STK32A: variants seen among roughly 807,000 people sequenced by gnomAD.
STK32A encodes the protein serine/threonine-protein kinase 32A.
STK32A carries 41 observed loss-of-function variants against 53.2 expected under a neutral mutation model. The ratio of observed to expected loss-of-function variants is 0.77; its 90% CI spans 0.60 to 1.00. The LOEUF (loss-of-function observed/expected upper bound fraction) is 1.00. Among genes scored for constraint, STK32A ranks in the 50% least tolerant of loss-of-function variants. The probability of loss-of-function intolerance (pLI) is 0.00; values close to 1 mark genes in which losing one functional copy is unlikely to be tolerated. For synonymous variants in STK32A, 166 were observed against 162.8 expected (o/e 1.02, Z -0.15); for missense variants, 458 against 485.8 (o/e 0.94, Z 0.54).
the STK32A span, chr5:147,397,799 G>A: frequency 6.2e-7 from 1 of 1,613,980 alleles, no homozygotes; most frequent in Non-Finnish European, 8.5e-7. Flanking sequence ...GACAACCAGA[G>A]GAGCCCCGCG....
At chr5:147,322,303 C>T (rs772472448) in intron 4 of STK32A, among the ~76,000 whole-genome samples, 3 of 152,122 alleles carry the variant, frequency 2.0e-5, no homozygotes, top group Admixed American at 6.5e-5. Flanking sequence ...TAAATTTTTC[C>T]AAGACGTATT....
chr5:147,249,403 T>C (rs1753885238), intron 2 of STK32A, among the ~76,000 whole-genome samples: 1 of 152,172 alleles, frequency 6.6e-6, no homozygotes, highest in Non-Finnish European at 1.5e-5. Context: ...ATTATTGCTA[T>C]CATTATATAA....
intron 2 of STK32A, among the ~76,000 whole-genome samples, chr5:147,276,948 C>T (rs979071658): frequency 3.9e-5 from 6 of 152,006 alleles, no homozygotes; most frequent in Admixed American, 6.6e-5. Flanking sequence ...ATACATGCTG[C>T]CTCACATGAC....
intron 4 of STK32A, among the ~76,000 whole-genome samples, chr5:147,305,942 ACTT>A (rs1351887999): frequency 2.6e-5 from 4 of 151,038 alleles, no homozygotes; most frequent in South Asian, 4.2e-4. Flanking sequence ...AAATATGTGT[ACTT>A]CTTATTTTTC....
intron 11 of STK32A, among the ~76,000 whole-genome samples, chr5:147,376,639 A>G (rs777995370): frequency 6.6e-6 from 1 of 151,594 alleles, no homozygotes; most frequent in Non-Finnish European, 1.5e-5. Context: ...CTCACTTAAA[A>G]CCCTCCAACC....
intron 6 of STK32A, among the ~76,000 whole-genome samples, chr5:147,347,726 C>T (rs1755758357): frequency 6.6e-6 from 1 of 152,150 alleles, no homozygotes; most frequent in African/African-American, 2.4e-5. Flanking sequence ...GTCCTTCAGT[C>T]AGCAGGAGAC....
chr5:147,330,426 C>T (rs535007797), intron 5 of STK32A, among the ~76,000 whole-genome samples: 135 of 152,292 alleles, frequency 8.9e-4, no homozygotes, highest in African/African-American at 3.0e-3. Flanking sequence ...CATGTAATGT[C>T]GGTTAGAAAC....
chr5:147,248,985 A>G lies in STK32A; in HGVS notation c.52+9299A>G, dbSNP rs145708051. ...TAGAACTGATCTTCAACCTTAACTA[A>G]TATCATGGCATCAGAGGGCTACAGA... On this transcript the variant is annotated intron_variant, in intron 2 of 12. Coordinates refer to ENST00000397936, the MANE Select transcript of STK32A (RefSeq NM_001112724.2). Among the ~76,000 whole-genome samples the G allele has an allele frequency of 2.1e-3, 314 of 152,258 alleles. 1 individual carries two copies. The highest frequency in any genetic ancestry group is 4.0e-3 in the African/African-American group (165 of 41,550).
chr5:147,264,844 G>A (rs1057076550), intron 2 of STK32A, among the ~76,000 whole-genome samples: 2 of 151,996 alleles, frequency 1.3e-5, no homozygotes, highest in Non-Finnish European at 2.9e-5. Flanking sequence ...AGATTAGAAG[G>A]GGGGTAAGTA....
intron 5 of STK32A, among the ~76,000 whole-genome samples, chr5:147,327,100 G>A (rs1225951326): frequency 4.6e-5 from 7 of 152,144 alleles, no homozygotes; most frequent in Non-Finnish European, 1.5e-5. Context: ...ATTTGAAATG[G>A]TGTCAAATAG....
At chr5:147,278,437 G>C (rs976091156) in intron 3 of STK32A, among the ~76,000 whole-genome samples, 1 of 152,182 alleles carries the variant, frequency 6.6e-6, no homozygotes, top group South Asian at 2.1e-4. Context: ...TAAACTTTAA[G>C]GCTTTTCTCT....
chr5:147,390,431 G>T (rs1279822664), downstream of STK32A, among the ~76,000 whole-genome samples: 4 of 115,298 alleles, frequency 3.5e-5, no homozygotes, highest in Non-Finnish European at 7.0e-5. Flanking sequence ...AAAAGAAGCA[G>T]AAAATGCTTC....
At chr5:147,399,947 T>A in the STK32A span, among the ~76,000 whole-genome samples, 2 of 152,176 alleles carry the variant, frequency 1.3e-5, no homozygotes, top group East Asian at 1.9e-4. Flanking sequence ...AGAATTGAGT[T>A]TAAAACCTAG....
intron 5 of STK32A, among the ~76,000 whole-genome samples, chr5:147,332,348 CTTT>C (rs34110422): frequency 7.1e-6 from 1 of 140,802 alleles, no homozygotes; most frequent in Non-Finnish European, 1.6e-5. Flanking sequence ...TATCTGTAGG[CTTT>C]TTTTTTTTTT....
Position 147,385,509 on chromosome 5 carries a change from C to G in STK32A, c.*1526C>G, listed in dbSNP as rs1468462987. On this transcript the variant is annotated 3_prime_UTR_variant, in exon 13 of 13. Transcript: ENST00000397936. ...GGCAAGTTCATGGAGACTAAGGGAA[C>G]AGTGGTATCATGTCTCCCTTCTCCC... The G allele has an allele frequency of 6.6e-6, 1 of 152,206 alleles. No individual in the cohort carries two copies. Among genetic ancestry groups the G allele is most frequent in the Non-Finnish European group, 1.5e-5 (1 of 68,038 alleles). 9.4% of individuals were successfully genotyped at this position (152,206 alleles called of 1,614,324 possible).
chr5:147,254,149 C>T (rs189980844), intron 2 of STK32A, among the ~76,000 whole-genome samples: 31 of 152,286 alleles, frequency 2.0e-4, no homozygotes, highest in Admixed American at 2.0e-3. Context: ...TGATACTGTA[C>T]CATCTTAACC....
At position 147,342,991 on chromosome 5, in the gene STK32A, T is replaced by A. The variant is rs1433613105; in HGVS notation, c.435-15T>A. ...TTATTGTGAGCAACTTTCTTTTTTC[T>A]TTTTACTCCTCTAGGGATATGAAGC... On this transcript the variant is annotated splice_polypyrimidine_tract_variant and intron_variant, in intron 5 of 12. Coordinates refer to ENST00000397936, the MANE Select transcript of STK32A (RefSeq NM_001112724.2). The A allele has an allele frequency of 4.3e-6, 7 of 1,612,870 alleles. No homozygotes were observed. The highest frequency in any genetic ancestry group is 5.9e-6 in the Non-Finnish European group (7 of 1,179,566).
Position 147,243,477 on chromosome 5 carries a change from G to A in STK32A, c.52+3791G>A, listed in dbSNP as rs1182964925. On this transcript the variant is annotated intron_variant, in intron 2 of 12. Coordinates refer to ENST00000397936, the MANE Select transcript of STK32A (RefSeq NM_001112724.2). ...TTTCAGGCTAGGCATGGTTGCTTACGCCTGTAATCCCAGCACTTCAGGAGG... is the reference window on the plus strand; with the variant it reads ...TTTCAGGCTAGGCATGGTTGCTTACACCTGTAATCCCAGCACTTCAGGAGG... Among the ~76,000 whole-genome samples, 5 of 69,580 alleles carry A rather than the reference G, an allele frequency of 7.2e-5. 1 individual carries two copies. In the East Asian group the frequency reaches 1.6e-3, roughly 22 times the overall value. The allele number at this position is 69,580 out of a possible 152,430, so 45.6% of individuals were successfully genotyped here.
At chr5:147,401,609 G>A in the STK32A span, 2 of 1,614,058 alleles carry the variant, frequency 1.2e-6, no homozygotes, top group Non-Finnish European at 1.7e-6. Context: ...TGTCACAAAT[G>A]CAGCCGCCTT....
Sources: allele counts gnomAD v4.1 joint callset (sites outside exome capture counted in the v4.1 genomes callset), GRCh38; gene constraint gnomAD v4.1.1; transcripts MANE v1.5; gene names NCBI Gene and HGNC (gene_info 2026-07-23, HGNC 2026-07-21).